The following GAB2 variants were observed in gnomAD, a reference collection of about 807,000 sequenced individuals.
The protein encoded by GAB2 is GRB2-associated-binding protein 2.
A neutral mutation model predicts 65.5 loss-of-function variants in GAB2; 26 were observed. The observed-to-expected ratio is 0.40, with a 90% CI of 0.29 to 0.55. The LOEUF (loss-of-function observed/expected upper bound fraction) is 0.55. GAB2 is among the 20% of genes least tolerant of loss of function. The pLI is 0.53. For synonymous variants in GAB2, 321 were observed against 329.6 expected (o/e 0.97, Z 0.28); for missense variants, 884 against 875.8 (o/e 1.01, Z -0.12).
chr11:78,309,975 C>CGCGCGT (rs1554987075), intron 1 of GAB2, among the ~76,000 whole-genome samples: 2 of 133,822 alleles, frequency 1.5e-5, no homozygotes, highest in African/African-American at 6.8e-5. Context: ...TGTGTGTGCG[C>CGCGCGT]GCGCGCCTGT....
In GAB2 at chr11:78,395,208, C is replaced by G. The variant is rs572157027; in HGVS notation, c.75+22438G>C. On this transcript the variant is annotated intron_variant, in intron 1 of 9. Coordinates refer to ENST00000361507, the MANE Select transcript of GAB2 (RefSeq NM_080491.3). ...GCGGCTCACGCCTGTAATCCCAGCA[C>G]TTTGGGAGGCCAAGGCAGGCGGATC... is the stretch of plus-strand genomic sequence containing the variant. 5.3e-5 allele frequency among the ~76,000 whole-genome samples: 8 copies of G among 152,360 alleles called. No homozygotes were observed. In the East Asian group the frequency reaches 1.5e-3, roughly 29 times the overall value.
chr11:78,260,073 C>T (rs981408901), intron 2 of GAB2, among the ~76,000 whole-genome samples: 2 of 152,182 alleles, frequency 1.3e-5, no homozygotes, highest in African/African-American at 2.4e-5. Flanking sequence ...AATAGATTCT[C>T]GAGTTCAGAA....
At chr11:78,262,578 C>T (rs895546359) in intron 2 of GAB2, among the ~76,000 whole-genome samples, 3 of 152,072 alleles carry the variant, frequency 2.0e-5, no homozygotes, top group East Asian at 1.9e-4. Flanking sequence ...TACAGAGCCT[C>T]GCAGGACCCA....
At chr11:78,374,709 A>G (rs1188009706) in intron 1 of GAB2, among the ~76,000 whole-genome samples, 1 of 152,214 alleles carries the variant, frequency 6.6e-6, no homozygotes, top group Non-Finnish European at 1.5e-5. Flanking sequence ...TTAAAATACA[A>G]TTTAGTAAGT....
intron 1 of GAB2, among the ~76,000 whole-genome samples, chr11:78,377,368 C>G (rs1374580805): frequency 6.6e-6 from 1 of 152,104 alleles, no homozygotes; most frequent in Non-Finnish European, 1.5e-5. Flanking sequence ...TGGAAGTTCT[C>G]TTGTGTGTGT....
intron 3 of GAB2, among the ~76,000 whole-genome samples, chr11:78,228,442 C>G (rs1029666753): frequency 1.3e-5 from 2 of 152,174 alleles, no homozygotes; most frequent in African/African-American, 4.8e-5. Flanking sequence ...AAAGGCAAAT[C>G]TCGTATACAT....
chr11:78,313,838 A>G (rs760746252), intron 1 of GAB2, among the ~76,000 whole-genome samples: 6 of 152,248 alleles, frequency 3.9e-5, no homozygotes, highest in Non-Finnish European at 8.8e-5. Context: ...GGGCCTCTAC[A>G]AATTGAAAAT....
chr11:78,242,273 T>G (rs376123316), intron 3 of GAB2, among the ~76,000 whole-genome samples: 2 of 151,884 alleles, frequency 1.3e-5, no homozygotes, highest in African/African-American at 4.8e-5. Flanking sequence ...GAGGCCAAGG[T>G]GGGCGGATCA....
intron 1 of GAB2, among the ~76,000 whole-genome samples, chr11:78,373,714 A>G (rs1856600183): frequency 6.6e-6 from 1 of 152,200 alleles, no homozygotes; most frequent in African/African-American, 2.4e-5. Flanking sequence ...ACCTGGCATG[A>G]TACTGGATTA....
At chr11:78,334,251 T>A (rs1281854213) in intron 1 of GAB2, among the ~76,000 whole-genome samples, 2 of 152,226 alleles carry the variant, frequency 1.3e-5, no homozygotes, top group Non-Finnish European at 2.9e-5. Flanking sequence ...GTGTTACAAA[T>A]AATCCAATTA....
Position 78,321,489 on chromosome 11 carries a change from A to C in GAB2, c.76-40588T>G, listed in dbSNP as rs1289143383. On this transcript the variant is annotated intron_variant, in intron 1 of 9. Coordinates refer to ENST00000361507, the MANE Select transcript of GAB2 (RefSeq NM_080491.3). ...TCATGTCTTTTTACTCCTAGCCCACAGCAGCGTGGAGTGCAGTATGTGTTC... is the reference window on the plus strand; with the variant it reads ...TCATGTCTTTTTACTCCTAGCCCACCGCAGCGTGGAGTGCAGTATGTGTTC... Among the ~76,000 whole-genome samples the C allele has an allele frequency of 3.9e-5, 6 of 152,214 alleles. No individual in the cohort carries two copies. The East Asian group carries it at 1.2e-3, about 29-fold the overall frequency.
intron 1 of GAB2, among the ~76,000 whole-genome samples, chr11:78,394,380 C>T (rs1856869100): frequency 6.6e-6 from 1 of 152,144 alleles, no homozygotes; most frequent in Non-Finnish European, 1.5e-5. Flanking sequence ...CTCCACAGTC[C>T]ACAAAAGAAG....
At chr11:78,271,713 T>C (rs139105848) in intron 2 of GAB2, among the ~76,000 whole-genome samples, 98 of 152,280 alleles carry the variant, frequency 6.4e-4, no homozygotes, top group African/African-American at 2.1e-3. Context: ...AAAAAGGTAG[T>C]CAGGCACAGT....
intron 1 of GAB2, among the ~76,000 whole-genome samples, chr11:78,325,419 C>G (rs1855805003): frequency 6.6e-6 from 1 of 152,160 alleles, no homozygotes; most frequent in Admixed American, 6.5e-5. Context: ...AGAGCTGAGA[C>G]TAGGAACCAA....
chr11:78,221,958 C>A, intron 7 of GAB2, 147 bp downstream of exon 7: 1 of 699,126 alleles, frequency 1.4e-6, no homozygotes, highest in Non-Finnish European at 2.6e-6. Context: ...GCTGAGGAAA[C>A]CAAGCCACAA....
At chr11:78,319,748 A>G (rs1357872387) in intron 1 of GAB2, among the ~76,000 whole-genome samples, 1 of 152,226 alleles carries the variant, frequency 6.6e-6, no homozygotes, top group Non-Finnish European at 1.5e-5. Flanking sequence ...AAATTAACTT[A>G]CACATTTATT....
chr11:78,260,577 T>C (rs1182263110), intron 2 of GAB2, among the ~76,000 whole-genome samples: 1 of 152,180 alleles, frequency 6.6e-6, no homozygotes, highest in East Asian at 1.9e-4. Flanking sequence ...GTTCAAGTGA[T>C]TCTCCTGCCT....
intron 5 of GAB2, among the ~76,000 whole-genome samples, chr11:78,224,631 G>T (rs1864568004): frequency 6.6e-6 from 1 of 152,176 alleles, no homozygotes; most frequent in Non-Finnish European, 1.5e-5. Context: ...CCAGGCCCTG[G>T]TCTTCTTGCC....
intron 1 of GAB2, among the ~76,000 whole-genome samples, chr11:78,383,345 T>G (rs145153400): frequency 2.0e-5 from 3 of 152,162 alleles, no homozygotes; most frequent in African/African-American, 4.8e-5. Context: ...TAGAGAATAC[T>G]ACCATTTCCA....
Sources: gnomAD v4.1 joint callset for allele counts (sites outside exome capture counted in the v4.1 genomes callset) on GRCh38, gnomAD v4.1.1 for gene constraint, MANE v1.5 for transcripts, NCBI Gene and HGNC (gene_info 2026-07-23, HGNC 2026-07-21) for gene names.